The following CHN1 variants were observed in gnomAD, a reference collection of about 807,000 sequenced individuals.
CHN1 encodes the protein N-chimaerin.
A neutral mutation model predicts 59.5 loss-of-function variants in CHN1; 37 were observed. That is an observed-to-expected ratio of 0.62 (90% CI 0.48 to 0.82). CHN1 has a LOEUF of 0.82. Among genes scored for constraint, CHN1 ranks in the 40% least tolerant of loss-of-function variants. The pLI is 0.00. For missense variants in CHN1, 469 were observed against 571.0 expected (o/e 0.82, Z 1.82); for synonymous variants, 206 against 200.4 (o/e 1.03, Z -0.24).
intron 1 of CHN1, among the ~76,000 whole-genome samples, chr2:174,987,686 G>A (rs942242346): frequency 1.9e-4 from 29 of 152,020 alleles, no homozygotes; most frequent in Admixed American, 5.2e-4. Context: ...CACCTGCCTC[G>A]GCTTCCTAAA....
At position 174,811,569 on chromosome 2, in the gene CHN1, T is replaced by C. The variant is rs200348318; in HGVS notation, c.906A>G (p.Leu302=). The change falls in exon 10 of 13, where the codon CTA becomes CTG. Residue 302 remains leucine, a synonymous_variant. Transcript: ENST00000409900. ...IESRGLNSEG[L]YRVSGFSDLI... ...GGTCACTAAATCCTGATACTCGGTA[T>C]AGTCCTTCAGAATTAAGACCTGAAA... 132 of 1,608,620 alleles carry C rather than the reference T, an allele frequency of 8.2e-5. No individual in the cohort carries two copies. In the East Asian group the frequency reaches 1.6e-3, roughly 19 times the overall value.
intron 1 of CHN1, among the ~76,000 whole-genome samples, chr2:174,972,695 A>G (rs1690797495): frequency 6.6e-6 from 1 of 152,100 alleles, no homozygotes; most frequent in Non-Finnish European, 1.5e-5. Context: ...ATTAGGAGGG[A>G]GGGAGGGTGG....
intron 3 of CHN1, among the ~76,000 whole-genome samples, chr2:174,940,278 T>C (rs1003507101): frequency 4.6e-5 from 7 of 152,096 alleles, no homozygotes; most frequent in Non-Finnish European, 8.8e-5. Context: ...CCACCCGCCT[T>C]AGCCTCCCAA....
intron 7 of CHN1, among the ~76,000 whole-genome samples, chr2:174,830,184 G>T (rs1219658415): frequency 1.3e-5 from 2 of 151,928 alleles, no homozygotes; most frequent in African/African-American, 4.8e-5. Context: ...AGTGAGCCGA[G>T]ATCGTGCCAC....
At chr2:174,900,977 T>C (rs761253163) in intron 5 of CHN1, among the ~76,000 whole-genome samples, 1 of 152,128 alleles carries the variant, frequency 6.6e-6, no homozygotes, top group Non-Finnish European at 1.5e-5. Flanking sequence ...AAAGCTTGCA[T>C]GGTAAATATA....
At chr2:174,942,525 A>G (rs897099279) in intron 3 of CHN1, among the ~76,000 whole-genome samples, 6 of 152,166 alleles carry the variant, frequency 3.9e-5, no homozygotes, top group Non-Finnish European at 8.8e-5. Flanking sequence ...GAAAAAAAGG[A>G]TAGGGAGAGG....
At chr2:174,909,653 T>C (rs960430656) in intron 5 of CHN1, among the ~76,000 whole-genome samples, 5 of 152,196 alleles carry the variant, frequency 3.3e-5, no homozygotes, top group Admixed American at 6.5e-5. Flanking sequence ...TGAATACAAA[T>C]AGAAAGATCA....
At position 174,869,711 on chromosome 2, in the gene CHN1, C is replaced by A. The variant is rs148138125; in HGVS notation, c.549+8129G>T. ...ATTCTTGGAAACATGGAGACATGGGCTCATTTGTAGAGTTTCCACATTATA... is the reference window on the plus strand; with the variant it reads ...ATTCTTGGAAACATGGAGACATGGGATCATTTGTAGAGTTTCCACATTATA... On this transcript the variant is annotated intron_variant, in intron 6 of 12. Transcript: ENST00000409900. 4.4e-3 allele frequency among the ~76,000 whole-genome samples: 677 copies of A among 152,212 alleles called. 6 individuals carry two copies. Among genetic ancestry groups the A allele is most frequent in the African/African-American group, 0.015 (637 of 41,540 alleles).
chr2:174,891,159 A>AAAAAAAG (rs1558969592), intron 5 of CHN1, among the ~76,000 whole-genome samples: 19 of 144,906 alleles, frequency 1.3e-4, no homozygotes, highest in African/African-American at 3.9e-4. Flanking sequence ...AAAAAAAAAA[A>AAAAAAAG]AAAAAAGAAA....
chr2:174,960,795 C>A lies in CHN1; in HGVS notation c.20-8593G>T. Among the ~76,000 whole-genome samples, 3 of 152,002 alleles carry A rather than the reference C, an allele frequency of 2.0e-5. No individual in the cohort carries two copies. The South Asian group carries it at 6.2e-4, about 32-fold the overall frequency. On this transcript the variant is annotated intron_variant, in intron 1 of 12. Coordinates refer to ENST00000409900, the MANE Select transcript of CHN1 (RefSeq NM_001822.7). ...CGAGATCATGCCACTGTACTCTGAC[C>A]TGGGCGACAGAGCGTGACTCCGTCT...
At chr2:174,893,155 A>C (rs1688106184) in intron 5 of CHN1, among the ~76,000 whole-genome samples, 1 of 152,228 alleles carries the variant, frequency 6.6e-6, no homozygotes, top group Non-Finnish European at 1.5e-5. Flanking sequence ...AAAAGCATCC[A>C]AATTGCAAAG....
At chr2:174,948,140 C>G (rs535607813) in intron 2 of CHN1, among the ~76,000 whole-genome samples, 1 of 152,228 alleles carries the variant, frequency 6.6e-6, no homozygotes, top group East Asian at 1.9e-4. Flanking sequence ...ATCTTGAAGT[C>G]AAAATTGGTC....
chr2:174,958,601 G>A (rs1016427194), intron 1 of CHN1, among the ~76,000 whole-genome samples: 1 of 152,194 alleles, frequency 6.6e-6, no homozygotes, highest in African/African-American at 2.4e-5. Flanking sequence ...TTAGTGCTAG[G>A]TGGCGCTTTC....
chr2:174,847,667 T>G, intron 6 of CHN1: 2 of 1,305,362 alleles, frequency 1.5e-6, no homozygotes, highest in Non-Finnish European at 2.0e-6. Flanking sequence ...AGAAAGGAGA[T>G]AACCAATGAA....
chr2:174,800,021 C>G lies in CHN1; in HGVS notation c.*95G>C, dbSNP rs1425905560. 4.2e-6 allele frequency: 5 copies of G among 1,197,692 alleles called. No homozygotes were observed. Among genetic ancestry groups the G allele is most frequent in the African/African-American group, 1.5e-5 (1 of 66,406 alleles). 74.2% of individuals were successfully genotyped at this position (1,197,692 alleles called of 1,614,324 possible). On this transcript the variant is annotated 3_prime_UTR_variant, in exon 13 of 13. Transcript: ENST00000409900. ...TTAATCTGGTTATATGCCCAAACCT[C>G]TAATCAAGAAATAATGCAGCTACAG...
At chr2:174,805,233 G>C (rs189251640) in intron 11 of CHN1, among the ~76,000 whole-genome samples, 16 of 152,344 alleles carry the variant, frequency 1.1e-4, no homozygotes, top group African/African-American at 3.8e-4. Flanking sequence ...CTGTCCACCA[G>C]TGGACTGGCT....
intron 6 of CHN1, among the ~76,000 whole-genome samples, chr2:174,856,154 CATT>C (rs1401411603): frequency 1.1e-4 from 17 of 152,198 alleles, no homozygotes; most frequent in African/African-American, 3.9e-4. Flanking sequence ...TTAAGTCTAA[CATT>C]AGAGACTTCT....
intron 1 of CHN1, among the ~76,000 whole-genome samples, chr2:175,003,565 A>G (rs1393315412): frequency 6.6e-6 from 1 of 152,234 alleles, no homozygotes; most frequent in Non-Finnish European, 1.5e-5. Flanking sequence ...TGTTTGTACC[A>G]AAAAGGTCCA....
intron 7 of CHN1, 96 bp from the exon 8 acceptor site, chr2:174,824,614 C>CTACATA: frequency 2.2e-6 from 1 of 450,950 alleles, no homozygotes; most frequent in Non-Finnish European, 4.0e-6. Flanking sequence ...GCCACATATT[C>CTACATA]TATATATATA....
Sources: allele counts gnomAD v4.1 joint callset (sites outside exome capture counted in the v4.1 genomes callset), GRCh38; gene constraint gnomAD v4.1.1; transcripts MANE v1.5; gene names NCBI Gene and HGNC (gene_info 2026-07-23, HGNC 2026-07-21).